Variants in KSR2 observed in about 807,000 individuals in gnomAD.
KSR2 encodes kinase suppressor of ras 2.
Under a neutral mutation model 107.8 loss-of-function variants are expected in KSR2, and 25 were observed. The observed-to-expected ratio is 0.23, with a 90% confidence interval of 0.17 to 0.32. KSR2 has a LOEUF of 0.32. Among genes scored for constraint, KSR2 ranks in the 10% least tolerant of loss-of-function variants. KSR2 has a pLI of 1.00. For synonymous variants in KSR2, 480 were observed against 507.0 expected, an observed-to-expected ratio of 0.95 and a Z score of 0.71; for missense variants, 887 against 1,268.9, an observed-to-expected ratio of 0.70 and a Z score of 4.57.
chr12:117,813,642 T>A (rs1891276031), intron 3 of KSR2, among the ~76,000 whole-genome samples: 1 of 152,072 alleles, frequency 6.6e-6, no homozygotes, highest in Non-Finnish European at 1.5e-5. Context: ...AAATAACAAA[T>A]GCAGAGAAAA....
Position 117,968,909 on chromosome 12 carries a change from TGCTGCC to T in KSR2, c.-660_-655del. On this transcript the variant is annotated 5_prime_UTR_variant, in exon 1 of 20. Coordinates refer to ENST00000339824, the MANE Select transcript of KSR2 (RefSeq NM_173598.6). ...CTCCCCGCGCTGCTGCTGCTGCTGC[TGCTGCC>T]GCCGCCGGGCTCCGGGGGTGACGGT... 3.9e-6 allele frequency: 1 copy of T among 257,674 alleles called. No homozygotes were observed. The highest frequency in any genetic ancestry group is 7.7e-6 in the Non-Finnish European group (1 of 129,874). The allele number at this position is 257,674 out of a possible 1,614,324, so 16.0% of individuals were successfully genotyped here. A position where few individuals can be genotyped will look rare whatever the true frequency, so the allele number is the denominator to read the frequency against.
rs542789969 is a variant in KSR2 at position 117,966,977 on chromosome 12, C to T, written c.180+1099G>A. On this transcript the variant is annotated intron_variant, in intron 1 of 19. Transcript: ENST00000339824. ...TCAGCCCCACTGCCCCCACCCTCGG[C>T]GGATGCCAGCTAATGGAAGTTCCCA... is the stretch of plus-strand genomic sequence containing the variant. Among the ~76,000 whole-genome samples the T allele has an allele frequency of 1.3e-4, 20 of 152,236 alleles. No homozygotes were observed. The East Asian group carries it at 2.9e-3, about 22-fold the overall frequency.
chr12:117,883,875 C>CAA (rs34939587), intron 1 of KSR2, among the ~76,000 whole-genome samples: 1,401 of 93,358 alleles, frequency 0.015, 31 homozygotes, highest in Middle Eastern at 0.035. Flanking sequence ...GTCTCCATCT[C>CAA]AAAAAAAAAA....
At chr12:117,597,946 A>G (rs1335349803) in intron 5 of KSR2, among the ~76,000 whole-genome samples, 2 of 152,226 alleles carry the variant, frequency 1.3e-5, no homozygotes, top group Non-Finnish European at 2.9e-5. Flanking sequence ...ACCGCAGATC[A>G]GAGAAGTTCA....
intron 3 of KSR2, among the ~76,000 whole-genome samples, chr12:117,830,561 T>C (rs540997110): frequency 2.0e-5 from 3 of 152,088 alleles, no homozygotes; most frequent in Non-Finnish European, 4.4e-5. Flanking sequence ...CAGGCTAGAA[T>C]AGAAAAGGAA....
intron 14 of KSR2, among the ~76,000 whole-genome samples, chr12:117,486,406 G>A (rs776020659): frequency 6.6e-6 from 1 of 152,134 alleles, no homozygotes; most frequent in Admixed American, 6.5e-5. Context: ...TTCCCAGCAC[G>A]CACAGAGCAG....
chr12:117,600,686 T>G (rs2136289985), intron 5 of KSR2, among the ~76,000 whole-genome samples: 1 of 152,354 alleles, frequency 6.6e-6, no homozygotes, highest in South Asian at 2.1e-4. Flanking sequence ...CAATAGGACC[T>G]TGATTCTCTA....
At chr12:117,882,611 T>C (rs766992703) in intron 1 of KSR2, among the ~76,000 whole-genome samples, 1 of 132,882 alleles carries the variant, frequency 7.5e-6, no homozygotes, top group South Asian at 2.6e-4. Context: ...CCATCCATCC[T>C]TCCATCTATC....
At chr12:117,682,216 A>C (rs935424212) in intron 4 of KSR2, among the ~76,000 whole-genome samples, 1 of 152,172 alleles carries the variant, frequency 6.6e-6, no homozygotes, top group Non-Finnish European at 1.5e-5. Flanking sequence ...GGAGCTGAAC[A>C]ATGAGAACAT....
intron 3 of KSR2, among the ~76,000 whole-genome samples, chr12:117,817,221 A>C (rs140616301): frequency 6.6e-6 from 1 of 152,208 alleles, no homozygotes; most frequent in Non-Finnish European, 1.5e-5. Flanking sequence ...CTTCCTCCGG[A>C]AAATAAAGTT....
In KSR2 at chr12:117,693,428, T is replaced by A. The variant is rs142829595; in HGVS notation, c.987-25770A>T. ...TTGTGCTGACTTGGTAGAACATTCC[T>A]AAACTAGAAAGGGAAGTTCATTTTC... On this transcript the variant is annotated intron_variant, in intron 4 of 19. Coordinates refer to ENST00000339824, the MANE Select transcript of KSR2 (RefSeq NM_173598.6). 2.6e-5 allele frequency among the ~76,000 whole-genome samples: 4 copies of A among 152,304 alleles called. No homozygotes were observed. The East Asian group carries it at 7.7e-4, about 29-fold the overall frequency.
At chr12:117,954,602 G>A (rs922648950) in intron 1 of KSR2, among the ~76,000 whole-genome samples, 2 of 152,226 alleles carry the variant, frequency 1.3e-5, no homozygotes, top group Non-Finnish European at 2.9e-5. Flanking sequence ...ATACATGCAA[G>A]GACGGTATCT....
chr12:117,467,926 T>A (rs1316432135), intron 19 of KSR2: 3 of 158,596 alleles, frequency 1.9e-5, no homozygotes, highest in African/African-American at 1.1e-4. Flanking sequence ...TGTGTTTTTT[T>A]TTTTTTTTTC....
intron 5 of KSR2, among the ~76,000 whole-genome samples, chr12:117,640,828 C>T (rs182870562): frequency 1.3e-5 from 2 of 152,242 alleles, no homozygotes; most frequent in African/African-American, 2.4e-5. Context: ...GGTTATCACT[C>T]GAACACATTG....
chr12:117,517,186 A>G (rs1874428948), intron 14 of KSR2, among the ~76,000 whole-genome samples: 1 of 152,216 alleles, frequency 6.6e-6, no homozygotes, highest in African/African-American at 2.4e-5. Flanking sequence ...GGACTATTAC[A>G]TGGACAAGAA....
At chr12:117,599,575 C>T (rs1273517052) in intron 5 of KSR2, among the ~76,000 whole-genome samples, 1 of 152,100 alleles carries the variant, frequency 6.6e-6, no homozygotes, top group Non-Finnish European at 1.5e-5. Context: ...TGGGGGCTGT[C>T]CTGTGCATTG....
chr12:117,923,911 G>A (rs975617524), intron 1 of KSR2, among the ~76,000 whole-genome samples: 5 of 147,184 alleles, frequency 3.4e-5, no homozygotes, highest in Non-Finnish European at 5.9e-5. Flanking sequence ...AGAGTTTCAC[G>A]CTTGTTGCCC....
At chr12:117,902,163 G>A (rs1029420851) in intron 1 of KSR2, among the ~76,000 whole-genome samples, 3 of 152,182 alleles carry the variant, frequency 2.0e-5, no homozygotes, top group Admixed American at 6.5e-5. Context: ...CTTGCTAAAT[G>A]AGAATTACCA....
At position 117,919,129 on chromosome 12, in the gene KSR2, C is replaced by T. The variant is rs193118286; in HGVS notation, c.180+48947G>A. On this transcript the variant is annotated intron_variant, in intron 1 of 19. Transcript: ENST00000339824. ...CTCCGGCCTCAGCCACACAGCAAAA[C>T]CTCATTTCAAAATAAATAAATAAAT... 2.0e-5 allele frequency among the ~76,000 whole-genome samples: 3 copies of T among 152,298 alleles called. No homozygotes were observed. The East Asian group carries it at 5.8e-4, about 29-fold the overall frequency.
Sources: allele counts gnomAD v4.1 joint callset (sites outside exome capture counted in the v4.1 genomes callset), GRCh38; gene constraint gnomAD v4.1.1; transcripts MANE v1.5; gene names NCBI Gene and HGNC (gene_info 2026-07-23, HGNC 2026-07-21).